The following GRAMD1C variants were observed in gnomAD, a reference collection of about 807,000 sequenced individuals.
GRAMD1C encodes GRAM domain containing 1C.
A neutral mutation model predicts 97.8 loss-of-function variants in GRAMD1C; 89 were observed. The ratio of observed to expected loss-of-function variants is 0.91; its 90% CI spans 0.77 to 1.09. The LOEUF (loss-of-function observed/expected upper bound fraction) is 1.09, where lower values mean the gene tolerates loss of function less well. Ranked by LOEUF, GRAMD1C falls within the 50% of genes least tolerant of loss-of-function variation. The pLI is 0.00. For missense variants in GRAMD1C, 740 were observed against 766.4 expected (o/e 0.97, Z 0.41); for synonymous variants, 256 against 267.0 (o/e 0.96, Z 0.40).
At chr3:113,852,485 C>T (rs1326328570) in intron 2 of GRAMD1C, among the ~76,000 whole-genome samples, 1 of 152,052 alleles carries the variant, frequency 6.6e-6, no homozygotes, top group African/African-American at 2.4e-5. Context: ...TCTGGCAATA[C>T]AAGAAGGGGA....
At position 113,838,923 on chromosome 3, in the gene GRAMD1C, C is replaced by G. The variant is rs146532435; in HGVS notation, c.14C>G (p.Pro5Arg). Reference protein sequence around the residue: MEGAPTVRQVMNEGD... With the variant: MEGARTVRQVMNEGD... The stretch of plus-strand genomic sequence containing the variant: ...GAGGGAGCCGCGATGGAGGGCGCTC[C>G]GACTGTCCGTCAGGTAAGCCGCGGG... Residue 5 changes from proline (P) to arginine (R), a missense_variant, in exon 1 of 18, where the codon CCG becomes CGG. Coordinates refer to ENST00000358160, the MANE Select transcript of GRAMD1C (RefSeq NM_017577.5). 4.8e-5 allele frequency: 57 copies of G among 1,181,716 alleles called. No homozygotes were observed. The highest frequency in any genetic ancestry group is 5.6e-5 in the Non-Finnish European group (54 of 968,850). 73.2% of individuals were successfully genotyped at this position (1,181,716 alleles called of 1,614,324 possible).
At chr3:113,923,018 C>CT (rs895800791) in intron 10 of GRAMD1C, among the ~76,000 whole-genome samples, 9 of 148,616 alleles carry the variant, frequency 6.1e-5, no homozygotes, top group East Asian at 2.0e-4. Flanking sequence ...GGGTATTTTA[C>CT]TTTTTTTTTT....
intron 1 of GRAMD1C, among the ~76,000 whole-genome samples, chr3:113,833,295 G>A (rs563896631): frequency 7.0e-4 from 106 of 151,490 alleles, no homozygotes; most frequent in African/African-American, 2.1e-3. Context: ...GTACCACCAC[G>A]CCCAGCTAAT....
At chr3:113,830,724 A>T (rs1443438810) in intron 1 of GRAMD1C, among the ~76,000 whole-genome samples, 1 of 152,234 alleles carries the variant, frequency 6.6e-6, no homozygotes, top group Non-Finnish European at 1.5e-5. Flanking sequence ...GAATGCAGTG[A>T]CTGACACATT....
Position 113,931,877 on chromosome 3 carries a change from G to A in GRAMD1C, c.1209+1045G>A, listed in dbSNP as rs150687909. Among the ~76,000 whole-genome samples the A allele has an allele frequency of 4.1e-4, 62 of 152,230 alleles. 1 individual carries two copies. The highest frequency in any genetic ancestry group is 1.5e-3 in the African/African-American group (62 of 41,540). Reference sequence around the variant, plus strand: ...GGAGTTTGAGATTACAGCGAGCTATGATCTAGCCACTGCACTCTAGCCTGG... The same window carrying A: ...GGAGTTTGAGATTACAGCGAGCTATAATCTAGCCACTGCACTCTAGCCTGG... On this transcript the variant is annotated intron_variant, in intron 11 of 17. Transcript: ENST00000358160.
chr3:113,919,311 A>G, intron 10 of GRAMD1C: 2 of 485,422 alleles, frequency 4.1e-6, no homozygotes, highest in Non-Finnish European at 4.2e-6. Flanking sequence ...AGAAATGAAA[A>G]CTGAAGATGG....
intron 6 of GRAMD1C, among the ~76,000 whole-genome samples, chr3:113,894,255 A>AT: frequency 6.6e-6 from 1 of 151,998 alleles, no homozygotes; most frequent in South Asian, 2.1e-4. Flanking sequence ...TATAGGCAGG[A>AT]TGTATGCAGA....
Position 113,904,155 on chromosome 3 carries a change from CA to C in GRAMD1C, c.673del (p.Ser225AlafsTer41). 6.2e-7 allele frequency: 1 copy of C among 1,609,220 alleles called. No homozygotes were observed. Among genetic ancestry groups the C allele is most frequent in the Non-Finnish European group, 8.5e-7 (1 of 1,175,918 alleles). ...DVQPRSPGRS[S>X]LDDSGERDEK... ...TTTCTTACAGAAGTCCAGGAAGAAGCAGCTTGGATGACTCTGGGGAGAGAGA... is the reference window on the plus strand; with the variant it reads ...TTTCTTACAGAAGTCCAGGAAGAAGCGCTTGGATGACTCTGGGGAGAGAGA... On this transcript the variant is annotated frameshift_variant, in exon 8 of 18. Coordinates refer to ENST00000358160, the MANE Select transcript of GRAMD1C (RefSeq NM_017577.5). LOFTEE classifies it high-confidence loss of function.
At chr3:113,853,514 A>C (rs965330727) in intron 2 of GRAMD1C, among the ~76,000 whole-genome samples, 1 of 152,228 alleles carries the variant, frequency 6.6e-6, no homozygotes, top group Non-Finnish European at 1.5e-5. Context: ...TGCTCACAGG[A>C]TAAATTAAGG....
At chr3:113,890,459 G>A (rs529141084) in intron 6 of GRAMD1C, among the ~76,000 whole-genome samples, 1 of 152,190 alleles carries the variant, frequency 6.6e-6, no homozygotes, top group Non-Finnish European at 1.5e-5. Context: ...TCTCAACTCA[G>A]CTCTATGCTG....
At chr3:113,940,031 A>G in intron 16 of GRAMD1C, 35 bp downstream of exon 16, 1 of 1,132,318 alleles carries the variant, frequency 8.8e-7, no homozygotes, top group South Asian at 1.2e-5. Flanking sequence ...TATTCACCAT[A>G]TTATTTCAGT....
At chr3:113,901,261 CCTTTGTT>C (rs1173153683) in intron 7 of GRAMD1C, 115 bp downstream of exon 7, 2 of 634,590 alleles carry the variant, frequency 3.2e-6, no homozygotes, top group African/African-American at 3.6e-5. Flanking sequence ...GCCATTTGCC[CCTTTGTT>C]CTTTGTGGTG....
intron 3 of GRAMD1C, 88 bp downstream of exon 3, chr3:113,869,679 C>T (rs1341061794): frequency 4.4e-6 from 3 of 675,292 alleles, no homozygotes; most frequent in Non-Finnish European, 7.9e-6. Flanking sequence ...AAAATTTAAG[C>T]CTTTATGCTA....
At position 113,930,803 on chromosome 3, in the gene GRAMD1C, G is replaced by A. The variant is rs760161391; in HGVS notation, c.1180G>A (p.Gly394Arg). 6.2e-7 allele frequency: 1 copy of A among 1,604,388 alleles called. No homozygotes were observed. The highest frequency in any genetic ancestry group is 1.1e-5 in the South Asian group (1 of 90,870). The change falls in exon 11 of 18, where the codon GGA becomes AGA. Residue 394 changes from glycine to arginine, a missense_variant. Physicochemically the swap from Gly to Arg is moderately radical, Grantham distance 125 (BLOSUM62 -2). Coordinates refer to ENST00000358160, the MANE Select transcript of GRAMD1C (RefSeq NM_017577.5). ...YTIVLNSPLT[G>R]KCTAATEKQT... ...TATAGTCCTTAATAGTCCACTTACT[G>A]GAAAATGCACTGCTGCCACTGAAAA...
intron 8 of GRAMD1C, among the ~76,000 whole-genome samples, chr3:113,908,622 AC>A: frequency 6.6e-6 from 1 of 151,958 alleles, no homozygotes; most frequent in East Asian, 1.9e-4. Context: ...TCCCTTGTCT[AC>A]CCCAAAGAAT....
intron 10 of GRAMD1C, among the ~76,000 whole-genome samples, chr3:113,917,473 G>A (rs151276664): frequency 1.0e-3 from 146 of 145,482 alleles, no homozygotes; most frequent in Non-Finnish European, 1.5e-3. Context: ...ACAGGCATGC[G>A]CCACCACGCC....
chr3:113,909,597 AGT>A (rs1936493662), intron 9 of GRAMD1C, among the ~76,000 whole-genome samples: 1 of 152,164 alleles, frequency 6.6e-6, no homozygotes. Context: ...ATACTGCCCA[AGT>A]TATTTTCTCT....
At chr3:113,893,409 A>G (rs1935811704) in intron 6 of GRAMD1C, among the ~76,000 whole-genome samples, 1 of 151,188 alleles carries the variant, frequency 6.6e-6, no homozygotes, top group African/African-American at 2.4e-5. Flanking sequence ...GTCTTCAAAT[A>G]TTCTTTCTGC....
At chr3:113,898,698 G>T (rs943047766) in intron 6 of GRAMD1C, among the ~76,000 whole-genome samples, 17 of 152,086 alleles carry the variant, frequency 1.1e-4, no homozygotes, top group African/African-American at 1.7e-4. Context: ...TATTTCCAGT[G>T]AGAATTTATT....
Sources: allele counts gnomAD v4.1 joint callset (sites outside exome capture counted in the v4.1 genomes callset), GRCh38; gene constraint gnomAD v4.1.1; transcripts MANE v1.5; gene names NCBI Gene and HGNC (gene_info 2026-07-23, HGNC 2026-07-21).